Variants in LONP2 observed in about 807,000 individuals in gnomAD.
LONP2 encodes lon peptidase 2, peroxisomal.
LONP2 carries 60 observed loss-of-function variants against 85.6 expected under a neutral mutation model. The observed-to-expected ratio is 0.70, with a 90% CI of 0.57 to 0.87. LONP2 has a LOEUF of 0.87. Ranked by LOEUF, LONP2 falls within the 40% of genes least tolerant of loss-of-function variation. The pLI, the probability that LONP2 is intolerant of heterozygous loss-of-function variation, is 0.00. For synonymous variants in LONP2, 395 were observed against 389.7 expected, an observed-to-expected ratio of 1.01 and a Z score of -0.16; for missense variants, 860 against 1,063.5, an observed-to-expected ratio of 0.81 and a Z score of 2.66.
chr16:48,323,917 T>A (rs941236393), intron 11 of LONP2, among the ~76,000 whole-genome samples: 12 of 152,272 alleles, frequency 7.9e-5, no homozygotes, highest in African/African-American at 2.9e-4. Flanking sequence ...TTTAAAAAAA[T>A]AAAAAACATT....
downstream of LONP2, chr16:48,360,928 T>C (rs1960558524): frequency 6.6e-6 from 1 of 152,212 alleles, no homozygotes; most frequent in Non-Finnish European, 1.5e-5. Context: ...TTAAAATATT[T>C]CTAATGAACT....
chr16:48,252,088 C>G, intron 1 of LONP2, 43 bp from the exon 2 acceptor site: 1 of 1,381,084 alleles, frequency 7.2e-7, no homozygotes, highest in East Asian at 2.4e-5. Flanking sequence ...TCTGTTCTAC[C>G]GTATTGAATG....
chr16:48,352,033 C>T lies in LONP2; in HGVS notation c.*231C>T, dbSNP rs1007240043. 3.7e-6 allele frequency: 2 copies of T among 545,454 alleles called. No homozygotes were observed. The highest frequency in any genetic ancestry group is 1.9e-5 in the African/African-American group (1 of 53,002). The allele number at this position is 545,454 out of a possible 1,614,324, so 33.8% of individuals were successfully genotyped here. A position where few individuals can be genotyped will look rare whatever the true frequency, so the allele number is the denominator to read the frequency against. ...GTCTTTTTAGTGGGATCCTTACTGT[C>T]CCTGGAAAGATATAGCATAGTGGTT... On this transcript the variant is annotated 3_prime_UTR_variant, in exon 15 of 15. Coordinates refer to ENST00000285737, the MANE Select transcript of LONP2 (RefSeq NM_031490.5).
At chr16:48,247,062 G>C (rs1356821525) in intron 1 of LONP2, among the ~76,000 whole-genome samples, 2 of 152,308 alleles carry the variant, frequency 1.3e-5, no homozygotes, top group African/African-American at 2.4e-5. Flanking sequence ...AGTCTTCATA[G>C]AAGTCCGGCA....
intron 7 of LONP2, among the ~76,000 whole-genome samples, chr16:48,276,527 AAAG>A (rs1972212458): frequency 1.3e-5 from 2 of 152,248 alleles, no homozygotes; most frequent in African/African-American, 2.4e-5. Flanking sequence ...GCTTTGTAAA[AAAG>A]ACACCTTTTT....
chr16:48,302,248 G>A (rs562872660), intron 10 of LONP2, among the ~76,000 whole-genome samples: 6 of 152,096 alleles, frequency 3.9e-5, no homozygotes, highest in Admixed American at 1.3e-4. Flanking sequence ...GAAATTATAC[G>A]TAGTTGCATA....
Position 48,362,705 on chromosome 16 carries a change from T to C in LONP2, c.*842T>C. 3.3e-6 allele frequency: 1 copy of C among 305,790 alleles called. No individual in the cohort carries two copies. The highest frequency in any genetic ancestry group is 6.4e-6 in the Non-Finnish European group (1 of 155,438). The allele number at this position is 305,790 out of a possible 1,614,324, so 18.9% of individuals were successfully genotyped here. ...TCGTCTTTGGATAGACTACATAGAA[T>C]AATAAATGCTAAAATAGAAAATGGA... On this transcript the variant is annotated 3_prime_UTR_variant, in exon 5 of 5. Coordinates refer to the LONP2 transcript ENST00000565867. The surrounding 1 kb of genome is among the most constrained non-coding windows in gnomAD (Gnocchi z 4.2).
chr16:48,320,699 A>C (rs993279177), intron 11 of LONP2, among the ~76,000 whole-genome samples: 1 of 152,154 alleles, frequency 6.6e-6, no homozygotes, highest in Non-Finnish European at 1.5e-5. Flanking sequence ...GATATACTAA[A>C]TATTATTTTC....
At chr16:48,261,840 T>C (rs1971886074) in intron 5 of LONP2, among the ~76,000 whole-genome samples, 1 of 152,104 alleles carries the variant, frequency 6.6e-6, no homozygotes, top group South Asian at 2.1e-4. Context: ...CTTCTCTAGA[T>C]TATAAACTCT....
chr16:48,348,748 C>T (rs1408922167), intron 14 of LONP2, among the ~76,000 whole-genome samples: 3 of 152,160 alleles, frequency 2.0e-5, no homozygotes, highest in Non-Finnish European at 4.4e-5. Context: ...CTCATCTCCA[C>T]CTCCCAAAGT....
intron 11 of LONP2, among the ~76,000 whole-genome samples, chr16:48,311,374 G>A (rs1186123432): frequency 2.1e-5 from 2 of 96,174 alleles, no homozygotes; most frequent in East Asian, 2.7e-4. Flanking sequence ...TTTTTTTTTT[G>A]TCTGACTGGA....
chr16:48,360,519 G>A (rs1247137975), downstream of LONP2: 1 of 152,612 alleles, frequency 6.6e-6, no homozygotes, highest in Non-Finnish European at 1.5e-5. Flanking sequence ...AGCTAAAGCA[G>A]ACACAGTAAG....
At chr16:48,301,919 T>G (rs888027047) in intron 10 of LONP2, among the ~76,000 whole-genome samples, 1 of 152,176 alleles carries the variant, frequency 6.6e-6, no homozygotes, top group Non-Finnish European at 1.5e-5. Flanking sequence ...TTTCAAGACT[T>G]CTCACCCTCC....
rs188987881 is a variant in LONP2, at chr16:48,356,006, T to C, written c.*4204T>C. 2.0e-3 allele frequency: 309 copies of C among 152,338 alleles called. 3 individuals are homozygous for C. The highest frequency in any genetic ancestry group is 7.3e-3 in the African/African-American group (302 of 41,562). 9.4% of individuals were successfully genotyped at this position (152,338 alleles called of 1,614,324 possible). A position where few individuals can be genotyped will look rare whatever the true frequency, so the allele number is the denominator to read the frequency against. ...CCACTGGAGACATCCATGTTTTTAC[T>C]TGGCTCTGCCCCTTTAGTGGTCCCT... On this transcript the variant is annotated 3_prime_UTR_variant, in exon 15 of 15. Transcript: ENST00000285737.
intron 10 of LONP2, among the ~76,000 whole-genome samples, chr16:48,301,545 G>A (rs1214504889): frequency 6.7e-6 from 1 of 148,296 alleles, no homozygotes; most frequent in Non-Finnish European, 1.5e-5. Context: ...TGAGGCAGGG[G>A]AATTGCTTGA....
At chr16:48,268,490 C>T (rs1388703843) in intron 6 of LONP2, among the ~76,000 whole-genome samples, 2 of 152,178 alleles carry the variant, frequency 1.3e-5, no homozygotes, top group East Asian at 1.9e-4. Flanking sequence ...ACCATGTTTG[C>T]ATAACTAAAA....
rs2150965929 is a variant in LONP2 at position 48,256,786 on chromosome 16, A to G, written c.600+45A>G. The G allele has an allele frequency of 2.5e-6, 4 of 1,596,780 alleles. No individual in the cohort carries two copies. The East Asian group carries it at 6.7e-5, about 27-fold the overall frequency. ...ACGCCAGGTTGCTTTGTCACTTTTT[A>G]TTGAGATCTAGATAGTGAGTAGTTA... On this transcript the variant is annotated intron_variant, in intron 3 of 14. Transcript: ENST00000285737.
chr16:48,302,082 G>A (rs1972818641), intron 10 of LONP2, among the ~76,000 whole-genome samples: 1 of 152,166 alleles, frequency 6.6e-6, no homozygotes, highest in Non-Finnish European at 1.5e-5. Flanking sequence ...TTTTATGACT[G>A]TATCTCTAGA....
intron 11 of LONP2, among the ~76,000 whole-genome samples, chr16:48,333,475 C>A (rs1023625039): frequency 3.3e-5 from 5 of 152,104 alleles, no homozygotes; most frequent in African/African-American, 1.2e-4. Flanking sequence ...TATATGGGTT[C>A]TATCATGTCC....
Sources: allele counts gnomAD v4.1 joint callset (sites outside exome capture counted in the v4.1 genomes callset), GRCh38; gene constraint gnomAD v4.1.1; non-coding constraint Gnocchi (gnomAD v3.1); transcripts MANE v1.5; gene names NCBI Gene and HGNC (gene_info 2026-07-23, HGNC 2026-07-21).